The following CNTNAP2 variants were observed in gnomAD, a reference collection of about 807,000 sequenced individuals.
The protein encoded by CNTNAP2 is contactin associated protein 2.
In CNTNAP2, 98 loss-of-function variants were observed where a neutral mutation model predicts 155.2. The observed-to-expected ratio is 0.63, with a 90% CI of 0.54 to 0.75. The LOEUF (loss-of-function observed/expected upper bound fraction) is 0.75. Ranked by LOEUF, CNTNAP2 falls within the 30% of genes least tolerant of loss-of-function variation. CNTNAP2 has a pLI of 0.00. For synonymous variants in CNTNAP2, 651 were observed against 631.2 expected, an observed-to-expected ratio of 1.03 and a Z score of -0.47; for missense variants, 1,727 against 1,688.1, an observed-to-expected ratio of 1.02 and a Z score of -0.40.
intron 8 of CNTNAP2, among the ~76,000 whole-genome samples, chr7:147,181,551 G>A (rs1802455395): frequency 6.6e-6 from 1 of 152,048 alleles, no homozygotes; most frequent in African/African-American, 2.4e-5. Flanking sequence ...TACTAAAGAA[G>A]AGAGTTTAAC....
intron 21 of CNTNAP2, among the ~76,000 whole-genome samples, chr7:148,277,791 AAAG>A (rs1796899982): frequency 1.4e-5 from 2 of 146,836 alleles, no homozygotes; most frequent in African/African-American, 2.5e-5. Flanking sequence ...AAGAAAGAAA[AAAG>A]AAAAAAAGAA....
At chr7:147,272,415 G>A (rs1034378397) in intron 8 of CNTNAP2, among the ~76,000 whole-genome samples, 5 of 152,148 alleles carry the variant, frequency 3.3e-5, no homozygotes, top group Non-Finnish European at 7.3e-5. Flanking sequence ...TTACATACCT[G>A]TCTTTGATGG....
chr7:147,201,582 G>C (rs1351111524), intron 8 of CNTNAP2, among the ~76,000 whole-genome samples: 1 of 152,084 alleles, frequency 6.6e-6, no homozygotes, highest in African/African-American at 2.4e-5. Context: ...CTTCCCTAAT[G>C]CACAGACATA....
intron 1 of CNTNAP2, among the ~76,000 whole-genome samples, chr7:146,686,131 T>C (rs1031677749): frequency 2.0e-5 from 3 of 152,032 alleles, no homozygotes; most frequent in African/African-American, 7.2e-5. Flanking sequence ...ACACTGTCTT[T>C]ACAAAATAAT....
At chr7:147,019,421 A>C (rs1282805571) in intron 3 of CNTNAP2, among the ~76,000 whole-genome samples, 3 of 152,106 alleles carry the variant, frequency 2.0e-5, no homozygotes, top group East Asian at 1.9e-4. Context: ...ATAATTCCCC[A>C]AAAAAGCAAA....
At chr7:146,572,112 C>T (rs1248946077) in intron 1 of CNTNAP2, among the ~76,000 whole-genome samples, 2 of 152,138 alleles carry the variant, frequency 1.3e-5, no homozygotes, top group Admixed American at 1.3e-4. Flanking sequence ...TACTCTATTG[C>T]AGTCTTGAAT....
At chr7:146,583,395 G>T (rs949972534) in intron 1 of CNTNAP2, among the ~76,000 whole-genome samples, 2 of 152,070 alleles carry the variant, frequency 1.3e-5, no homozygotes, top group Non-Finnish European at 2.9e-5. Flanking sequence ...CCCAGTGAGG[G>T]AAAACCTGAG....
chr7:147,667,276 G>C (rs555083534), intron 13 of CNTNAP2, among the ~76,000 whole-genome samples: 66 of 152,238 alleles, frequency 4.3e-4, no homozygotes, highest in African/African-American at 1.5e-3. Context: ...ACTTGTCAGA[G>C]CAAATCTTCA....
intron 2 of CNTNAP2, among the ~76,000 whole-genome samples, chr7:146,835,752 T>C (rs1456701454): frequency 6.6e-6 from 1 of 152,076 alleles, no homozygotes; most frequent in East Asian, 1.9e-4. Flanking sequence ...AGGAAGTTAA[T>C]TAGGAGTGTT....
intron 15 of CNTNAP2, among the ~76,000 whole-genome samples, chr7:148,042,156 C>T (rs774447428): frequency 5.9e-5 from 9 of 152,180 alleles, no homozygotes; most frequent in Non-Finnish European, 1.0e-4. Context: ...ACCAAATTGA[C>T]GATCTTAACC....
At chr7:146,567,665 T>C (rs1032563421) in intron 1 of CNTNAP2, among the ~76,000 whole-genome samples, 26 of 152,270 alleles carry the variant, frequency 1.7e-4, no homozygotes, top group African/African-American at 6.3e-4. Flanking sequence ...TTAAAAACAG[T>C]CTTATTAGTG....
chr7:147,047,814 G>T (rs981829215), intron 4 of CNTNAP2, among the ~76,000 whole-genome samples: 4 of 152,146 alleles, frequency 2.6e-5, no homozygotes, highest in Admixed American at 2.0e-4. Flanking sequence ...AAATCAGGAA[G>T]CGAGACTTTT....
chr7:147,803,932 T>A (rs1406318714), intron 13 of CNTNAP2, among the ~76,000 whole-genome samples: 1 of 152,226 alleles, frequency 6.6e-6, no homozygotes, highest in African/African-American at 2.4e-5. Flanking sequence ...CTCGTTTACA[T>A]GTCTGTCTTT....
chr7:146,127,995 G>A (rs185512018), intron 1 of CNTNAP2, among the ~76,000 whole-genome samples: 44 of 152,034 alleles, frequency 2.9e-4, no homozygotes, highest in Middle Eastern at 3.4e-3. Context: ...TTTAAACTCC[G>A]TCTTCATCCT....
intron 13 of CNTNAP2, among the ~76,000 whole-genome samples, chr7:147,683,134 A>G (rs1168516793): frequency 6.6e-6 from 1 of 151,928 alleles, no homozygotes; most frequent in Non-Finnish European, 1.5e-5. Context: ...TTCATATAAT[A>G]TATAACATTT....
At chr7:146,628,095 T>C (rs1364501078) in intron 1 of CNTNAP2, among the ~76,000 whole-genome samples, 1 of 152,214 alleles carries the variant, frequency 6.6e-6, no homozygotes, top group Non-Finnish European at 1.5e-5. Flanking sequence ...CCATACTTGT[T>C]CATATGGGAT....
chr7:148,325,285 T>C (rs569712478), intron 21 of CNTNAP2, among the ~76,000 whole-genome samples: 10 of 152,306 alleles, frequency 6.6e-5, no homozygotes, highest in Non-Finnish European at 1.3e-4. Flanking sequence ...AGAAAAACAG[T>C]GTAAGAAAAA....
intron 13 of CNTNAP2, among the ~76,000 whole-genome samples, chr7:147,712,467 T>C (rs1380858284): frequency 2.6e-5 from 4 of 152,152 alleles, no homozygotes; most frequent in African/African-American, 7.2e-5. Context: ...TGCGGCACTA[T>C]TCACAATAGC....
chr7:147,132,085 T>A (rs959964815), intron 7 of CNTNAP2, among the ~76,000 whole-genome samples, 160 bp from the exon 8 acceptor site: 1 of 152,120 alleles, frequency 6.6e-6, no homozygotes, highest in Non-Finnish European at 1.5e-5. Context: ...TCCGTAGTGG[T>A]GCATCCAGTC....
Sources: allele counts gnomAD v4.1 joint callset (sites outside exome capture counted in the v4.1 genomes callset), GRCh38; gene constraint gnomAD v4.1.1; transcripts MANE v1.5; gene names NCBI Gene and HGNC (gene_info 2026-07-23, HGNC 2026-07-21).